PCDHGB1: variants seen among roughly 807,000 people sequenced by gnomAD.
PCDHGB1 encodes protocadherin gamma-B1.
Under a neutral mutation model 56.6 loss-of-function variants are expected in PCDHGB1, and 34 were observed. The observed-to-expected ratio is 0.60, with a 90% CI of 0.46 to 0.80. The LOEUF (loss-of-function observed/expected upper bound fraction) is 0.80, where lower values mean the gene tolerates loss of function less well. Among genes scored for constraint, PCDHGB1 ranks in the 30% least tolerant of loss-of-function variants. The pLI is 0.00. For synonymous variants in PCDHGB1, 561 were observed against 505.9 expected, an observed-to-expected ratio of 1.11 and a Z score of -1.46; for missense variants, 1,278 against 1,204.6, an observed-to-expected ratio of 1.06 and a Z score of -0.90.
At chr5:141,505,804 G>A (rs554534524) in intron 3 of PCDHGB1, among the ~76,000 whole-genome samples, 13 of 152,240 alleles carry the variant, frequency 8.5e-5, no homozygotes, top group Admixed American at 3.3e-4. Context: ...GACTTGGATC[G>A]ACTTGCTCAA....
At position 141,489,380 on chromosome 5, in the gene PCDHGB1, A is replaced by G. The variant is rs753226956; in HGVS notation, c.2410-5427A>G. ...TCTGAGCCGGGGACGCTGGTGGGGA[A>G]TGTTGCTCAGGATCTGGGCTTAAAG... is the stretch of plus-strand genomic sequence containing the variant. On this transcript the variant is annotated intron_variant, in intron 1 of 3. Transcript: ENST00000523390. The surrounding 1 kb of genome is among the most constrained non-coding windows in gnomAD (Gnocchi z 4.5). The G allele has an allele frequency of 1.9e-6, 3 of 1,613,874 alleles. No individual in the cohort carries two copies. Among genetic ancestry groups the G allele is most frequent in the Admixed American group, 1.7e-5 (1 of 60,026 alleles).
chr5:141,399,436 C>T (rs550386808), intron 1 of PCDHGB1: 12 of 1,613,996 alleles, frequency 7.4e-6, no homozygotes, highest in Admixed American at 3.3e-5. Context: ...CGTCATCCTA[C>T]ATATCAGAGA....
intron 1 of PCDHGB1, chr5:141,366,082 T>C (rs1228073481): frequency 1.2e-6 from 2 of 1,614,246 alleles, no homozygotes; most frequent in East Asian, 2.2e-5. Context: ...CCGCAGAACC[T>C]GGCTACCTGG....
intron 3 of PCDHGB1, 44 bp downstream of exon 3, chr5:141,505,525 G>C: frequency 1.2e-6 from 2 of 1,612,490 alleles, no homozygotes; most frequent in Non-Finnish European, 1.7e-6. Flanking sequence ...GAGACCTGGG[G>C]TTCTGGGGTG....
intron 1 of PCDHGB1, among the ~76,000 whole-genome samples, chr5:141,433,837 C>CAAAAAAAA (rs56191208): frequency 1.9e-4 from 21 of 111,692 alleles, no homozygotes; most frequent in Admixed American, 5.9e-4. Context: ...AACTCTATCT[C>CAAAAAAAA]AAAAAAAAAA....
intron 1 of PCDHGB1, among the ~76,000 whole-genome samples, chr5:141,402,471 A>G (rs1241536886): frequency 6.6e-6 from 1 of 152,238 alleles, no homozygotes; most frequent in Non-Finnish European, 1.5e-5. Context: ...CTAGAAATAG[A>G]GTGCAAAGTT....
At chr5:141,394,226 C>CT (rs771492563) in intron 1 of PCDHGB1, 132 of 1,613,834 alleles carry the variant, frequency 8.2e-5, no homozygotes, top group Non-Finnish European at 1.1e-4. Context: ...GAGCCTCCAT[C>CT]TTTTCCTTGA....
chr5:141,389,910 C>T (rs1417147488), intron 1 of PCDHGB1: 21 of 1,614,080 alleles, frequency 1.3e-5, no homozygotes, highest in Non-Finnish European at 1.7e-5. Flanking sequence ...TATCACTGAC[C>T]GCCCCGACCC....
chr5:141,384,731 C>T, intron 1 of PCDHGB1: 1 of 1,614,086 alleles, frequency 6.2e-7, no homozygotes, highest in South Asian at 1.1e-5. Context: ...CTGCTTAAGG[C>T]CAGCGAGCCA....
chr5:141,399,036 G>A, intron 1 of PCDHGB1: 1 of 1,613,800 alleles, frequency 6.2e-7, no homozygotes, highest in African/African-American at 1.3e-5. Context: ...AAAAGAAACT[G>A]GATTTTGAAG....
chr5:141,403,324 T>C (rs769971532), intron 1 of PCDHGB1: 9 of 1,613,974 alleles, frequency 5.6e-6, no homozygotes, highest in Non-Finnish European at 6.8e-6. Context: ...TAGAAGTAAC[T>C]GATATTAACG....
At position 141,494,781 on chromosome 5, in the gene PCDHGB1, C is replaced by A. The variant is rs145360252; in HGVS notation, c.2410-26C>A. On this transcript the variant is annotated intron_variant, in intron 1 of 3. Coordinates refer to ENST00000523390, the MANE Select transcript of PCDHGB1 (RefSeq NM_018922.3). ...ATTCTAACTTCTCACGGGTACTCAG[C>A]CCCTTTCCCTCTGTTTTCTCCACAG... 6,156 of 1,614,074 alleles carry A rather than the reference C, an allele frequency of 3.8e-3. 13 individuals are homozygous for A. Among genetic ancestry groups the A allele is most frequent in the Middle Eastern group, 8.1e-3 (49 of 6,062 alleles).
rs558873325 is a variant in PCDHGB1 at position 141,370,852 on chromosome 5, C to G, written c.2409+18183C>G. On this transcript the variant is annotated intron_variant, in intron 1 of 3. Coordinates refer to ENST00000523390, the MANE Select transcript of PCDHGB1 (RefSeq NM_018922.3). ...CTGGCTCTCACTGGAGCCACATTTG[C>G]CCTGGAATCTGCGCAAGATCCTGAT... The G allele has an allele frequency of 2.0e-5, 33 of 1,614,018 alleles. No individual in the cohort carries two copies. In the South Asian group the frequency reaches 3.4e-4, roughly 17 times the overall value.
chr5:141,393,155 A>G (rs1158641344), intron 1 of PCDHGB1: 1 of 1,613,328 alleles, frequency 6.2e-7, no homozygotes, highest in Non-Finnish European at 8.5e-7. Flanking sequence ...AGGATAAAGG[A>G]AAACTCTTTG....
intron 1 of PCDHGB1, chr5:141,418,849 G>T (rs1479117344): frequency 1.5e-5 from 25 of 1,613,886 alleles, no homozygotes; most frequent in Non-Finnish European, 1.8e-5. Context: ...TCTCAACACG[G>T]TGTAAAGTAA....
intron 1 of PCDHGB1, chr5:141,478,233 T>G: frequency 6.2e-7 from 1 of 1,614,126 alleles, no homozygotes. Context: ...GTGGGGTTTG[T>G]GGTCACAGTG....
chr5:141,371,696 C>G lies in PCDHGB1; in HGVS notation c.2409+19027C>G, dbSNP rs746156642. 4.3e-6 allele frequency: 7 copies of G among 1,614,058 alleles called. 1 individual carries two copies. The South Asian group carries it at 7.7e-5, about 18-fold the overall frequency. On this transcript the variant is annotated intron_variant, in intron 1 of 3. Transcript: ENST00000523390. ...ACAAAGGCAATCCACCGCTCTCCTCCAGCAAGACCATCACTCTGCACATCC... is the reference window on the plus strand; with the variant it reads ...ACAAAGGCAATCCACCGCTCTCCTCGAGCAAGACCATCACTCTGCACATCC...
At position 141,486,038 on chromosome 5, in the gene PCDHGB1, G is replaced by T; in HGVS notation, c.2410-8769G>T. The stretch of plus-strand genomic sequence containing the variant: ...TTTCAGTGGTCATACCCCTGATCGT[G>T]TAAGAAACCTCTTTAGCCTGCACCC... On this transcript the variant is annotated intron_variant, in intron 1 of 3. Coordinates refer to ENST00000523390, the MANE Select transcript of PCDHGB1 (RefSeq NM_018922.3). This position sits in a 1 kb window ranked among gnomAD's most constrained non-coding sequence, Gnocchi z 5.0. The T allele has an allele frequency of 3.1e-6, 5 of 1,614,184 alleles. No individual in the cohort carries two copies. Among genetic ancestry groups the T allele is most frequent in the Non-Finnish European group, 4.2e-6 (5 of 1,180,018 alleles).
chr5:141,490,998 C>T lies in PCDHGB1; in HGVS notation c.2410-3809C>T, dbSNP rs1284919124. 5 of 1,614,014 alleles carry T rather than the reference C, an allele frequency of 3.1e-6. No homozygotes were observed. The highest frequency in any genetic ancestry group is 1.7e-5 in the Admixed American group (1 of 60,016). On this transcript the variant is annotated intron_variant, in intron 1 of 3. Coordinates refer to ENST00000523390, the MANE Select transcript of PCDHGB1 (RefSeq NM_018922.3). The surrounding 1 kb of genome is among the most constrained non-coding windows in gnomAD (Gnocchi z 5.4). Reference sequence around the variant, plus strand: ...GTCTCCCTCGCTCTGCTCCTCCTGGCTCCTTGGTCACCAAGGTGACAGCCG... The same window carrying T: ...GTCTCCCTCGCTCTGCTCCTCCTGGTTCCTTGGTCACCAAGGTGACAGCCG...
Sources: allele counts gnomAD v4.1 joint callset (sites outside exome capture counted in the v4.1 genomes callset), GRCh38; gene constraint gnomAD v4.1.1; non-coding constraint Gnocchi (gnomAD v3.1); transcripts MANE v1.5; gene names NCBI Gene and HGNC (gene_info 2026-07-23, HGNC 2026-07-21).